Variants in FILIP1 observed in about 807,000 individuals in gnomAD.
The protein encoded by FILIP1 is filamin-A-interacting protein 1.
FILIP1 carries 61 observed loss-of-function variants against 102.1 expected under a neutral mutation model. The ratio of observed to expected loss-of-function variants is 0.60; its 90% CI spans 0.49 to 0.74. The LOEUF is 0.74. FILIP1 is among the 30% of genes least tolerant of loss of function. The pLI is 0.00. For synonymous variants in FILIP1, 491 were observed against 526.9 expected (o/e 0.93, Z 0.93); for missense variants, 1,314 against 1,441.2 (o/e 0.91, Z 1.43).
At chr6:75,472,424 T>C (rs1779359998) in intron 1 of FILIP1, among the ~76,000 whole-genome samples, 1 of 152,142 alleles carries the variant, frequency 6.6e-6, no homozygotes, top group African/African-American at 2.4e-5. Context: ...TAATATTCAT[T>C]GGGAGAACAA....
intron 1 of FILIP1, among the ~76,000 whole-genome samples, chr6:75,461,202 T>C (rs1779013602): frequency 6.6e-6 from 1 of 152,204 alleles, no homozygotes; most frequent in African/African-American, 2.4e-5. Flanking sequence ...AGCTAAATCA[T>C]CTTGCATAAT....
intron 1 of FILIP1, among the ~76,000 whole-genome samples, chr6:75,469,831 A>G (rs1006540963): frequency 6.6e-6 from 1 of 152,122 alleles, no homozygotes; most frequent in Non-Finnish European, 1.5e-5. Context: ...AACAGTTTCA[A>G]CAGGTGCCCA....
At chr6:75,417,638 C>G (rs1777313283) in intron 1 of FILIP1, among the ~76,000 whole-genome samples, 1 of 152,186 alleles carries the variant, frequency 6.6e-6, no homozygotes, top group African/African-American at 2.4e-5. Flanking sequence ...ATTTTTCATA[C>G]AGCACCTTGT....
intron 1 of FILIP1, among the ~76,000 whole-genome samples, chr6:75,468,332 CA>C (rs1281804131): frequency 3.3e-4 from 50 of 152,154 alleles, no homozygotes; most frequent in African/African-American, 9.9e-4. Context: ...TCTTTGTTTT[CA>C]AAACATGAAG....
exon 7 of FILIP1, chr6:75,294,309 T>C (rs1432065463): frequency 1.3e-5 from 2 of 152,164 alleles, no homozygotes; most frequent in African/African-American, 4.8e-5. Flanking sequence ...CTCAGAAGCA[T>C]TCTCTCTTTA....
In FILIP1 at chr6:75,312,386, C is replaced by T. The variant is rs754872141; in HGVS notation, c.3435+11G>A. On this transcript the variant is annotated intron_variant, in intron 5 of 5. Coordinates refer to ENST00000237172, the MANE Select transcript of FILIP1 (RefSeq NM_015687.5). ...TCTGCAGGCCTGCGCTTTGGAGCCT[C>T]TTCTACTCACCACTGACTGGGTTCC... 3.1e-6 allele frequency: 5 copies of T among 1,609,532 alleles called. No individual in the cohort carries two copies. In the African/African-American group the frequency reaches 4.0e-5, roughly 13 times the overall value.
intron 1 of FILIP1, among the ~76,000 whole-genome samples, chr6:75,432,932 G>GT (rs1202763883): frequency 6.6e-6 from 1 of 152,062 alleles, no homozygotes; most frequent in Non-Finnish European, 1.5e-5. Flanking sequence ...GTGGTGTTTG[G>GT]TTTTCTGTCC....
chr6:75,344,635 G>A (rs1288954459), intron 4 of FILIP1, among the ~76,000 whole-genome samples: 1 of 152,178 alleles, frequency 6.6e-6, no homozygotes, highest in Non-Finnish European at 1.5e-5. Context: ...ACTTGCACTG[G>A]AGACCTCTGT....
chr6:75,326,740 T>C (rs534626989), intron 4 of FILIP1, among the ~76,000 whole-genome samples: 1 of 152,366 alleles, frequency 6.6e-6, no homozygotes, highest in South Asian at 2.1e-4. Flanking sequence ...GAATCAGATC[T>C]ATTTGCACAA....
intron 4 of FILIP1, among the ~76,000 whole-genome samples, chr6:75,321,591 G>A (rs904738320): frequency 1.5e-4 from 23 of 152,134 alleles, no homozygotes; most frequent in Non-Finnish European, 2.9e-4. Flanking sequence ...TCAGGAGATC[G>A]AGACCATCCT....
At chr6:75,487,836 C>T (rs964945914) in intron 1 of FILIP1, among the ~76,000 whole-genome samples, 2 of 151,918 alleles carry the variant, frequency 1.3e-5, no homozygotes, top group Admixed American at 1.3e-4. Context: ...ACAGTTTTTA[C>T]AAGATCAAAA....
chr6:75,477,776 C>A (rs1263303425), intron 1 of FILIP1, among the ~76,000 whole-genome samples: 2 of 152,008 alleles, frequency 1.3e-5, no homozygotes, highest in Admixed American at 6.6e-5. Flanking sequence ...GAGAGGGAAA[C>A]AATTCCCACA....
chr6:75,310,826 T>C (rs1279751935), intron 5 of FILIP1, among the ~76,000 whole-genome samples: 1 of 152,226 alleles, frequency 6.6e-6, no homozygotes, highest in Non-Finnish European at 1.5e-5. Flanking sequence ...TGAATGCTAT[T>C]TGGCTCATAA....
chr6:75,294,124 G>A (rs1259062151), exon 7 of FILIP1: 2 of 151,992 alleles, frequency 1.3e-5, no homozygotes, highest in African/African-American at 4.8e-5. Flanking sequence ...ATTCCCCAAG[G>A]TGTAACTTAA....
intron 2 of FILIP1, among the ~76,000 whole-genome samples, chr6:75,389,739 GTGTTTATT>G (rs1776220439): frequency 6.6e-6 from 1 of 150,720 alleles, no homozygotes; most frequent in African/African-American, 2.4e-5. Flanking sequence ...CATTTTTATT[GTGTTTATT>G]TGATTCTTCT....
At position 75,374,620 on chromosome 6, in the gene FILIP1, T is replaced by G. The variant is rs571355515; in HGVS notation, c.277-11703A>C. Among the ~76,000 whole-genome samples, 6 of 152,252 alleles carry G rather than the reference T, an allele frequency of 3.9e-5. No individual in the cohort carries two copies. In the East Asian group the frequency reaches 1.2e-3, roughly 29 times the overall value. On this transcript the variant is annotated intron_variant, in intron 2 of 5. Transcript: ENST00000237172. ...GTCTCGAACTCCTGACCTCAGGTGA[T>G]CTACCCACCTCGGCCTCCCAGAGTG...
At chr6:75,428,404 G>A (rs1777705145) in intron 1 of FILIP1, 1 of 145,686 alleles carries the variant, frequency 6.9e-6, no homozygotes, top group Non-Finnish European at 1.5e-5. Flanking sequence ...TGGAGAGCTT[G>A]TTAATAGATT....
At chr6:75,467,771 T>G (rs1779212266) in intron 1 of FILIP1, among the ~76,000 whole-genome samples, 1 of 152,088 alleles carries the variant, frequency 6.6e-6, no homozygotes, top group South Asian at 2.1e-4. Context: ...GCAGGTGGTA[T>G]TAGAAGGAGG....
In FILIP1 at chr6:75,313,796, TGA is replaced by T; in HGVS notation, c.2034_2035del (p.Gln679ThrfsTer13). 1 of 1,609,324 alleles carries T rather than the reference TGA, an allele frequency of 6.2e-7. No individual in the cohort carries two copies. The highest frequency in any genetic ancestry group is 2.2e-5 in the East Asian group (1 of 44,864). ...TTGGTGCTTGATCTCCTCTAGTTGT[TGA>T]GAGAGGAAGTTAGCCTTATCCTGCT... On this transcript the variant is annotated frameshift_variant, in exon 5 of 6. Transcript: ENST00000237172. LOFTEE classifies it high-confidence loss of function. This position sits in a 1 kb window ranked among gnomAD's most constrained non-coding sequence, Gnocchi z 4.2.
Sources: gnomAD v4.1 joint callset for allele counts (sites outside exome capture counted in the v4.1 genomes callset) on GRCh38, gnomAD v4.1.1 for gene constraint, Gnocchi (gnomAD v3.1) non-coding constraint, MANE v1.5 for transcripts, NCBI Gene and HGNC (gene_info 2026-07-23, HGNC 2026-07-21) for gene names.